THRB: variants seen among roughly 807,000 people sequenced by gnomAD.
THRB encodes the protein thyroid hormone receptor beta.
THRB carries 12 observed loss-of-function variants against 47.8 expected under a neutral mutation model. The observed-to-expected ratio is 0.25, with a 90% CI of 0.16 to 0.41. THRB has a LOEUF of 0.41. Ranked by LOEUF, THRB falls within the 10% of genes least tolerant of loss-of-function variation. THRB has a pLI of 1.00. For missense variants in THRB, 348 were observed against 589.2 expected (o/e 0.59, Z 4.24); for synonymous variants, 218 against 212.2 (o/e 1.03, Z -0.24).
rs966247174 is a variant in THRB at position 24,438,536 on chromosome 3, T to TGTGC, written c.-261+56115_-261+56116insGCAC. The stretch of plus-strand genomic sequence containing the variant: ...GTGTGTGTGTGTGTGTGTGTGTGTG[T>TGTGC]GCACATGCATTCTTTCTTTAAAGAA... On this transcript the variant is annotated intron_variant, in intron 1 of 10. Coordinates refer to ENST00000646209, the MANE Select transcript of THRB (RefSeq NM_001354712.2). Among the ~76,000 whole-genome samples, 347 of 151,060 alleles carry TGTGC rather than the reference T, an allele frequency of 2.3e-3. 1 individual carries two copies. Among genetic ancestry groups the TGTGC allele is most frequent in the Middle Eastern group, 0.01 (3 of 292 alleles).
intron 3 of THRB, among the ~76,000 whole-genome samples, chr3:24,281,899 T>C (rs1198758025): frequency 6.6e-6 from 1 of 151,248 alleles, no homozygotes; most frequent in Non-Finnish European, 1.5e-5. Flanking sequence ...CCTAAATATA[T>C]ATGCACCCAA....
At chr3:24,140,746 C>T (rs1399147498) in intron 8 of THRB, among the ~76,000 whole-genome samples, 1 of 152,144 alleles carries the variant, frequency 6.6e-6, no homozygotes, top group Non-Finnish European at 1.5e-5. Flanking sequence ...AGCCTAGATT[C>T]AAGGGGAGAG....
chr3:24,430,718 T>C (rs115836546), intron 1 of THRB: 7 of 152,160 alleles, frequency 4.6e-5, no homozygotes, highest in African/African-American at 1.7e-4. Context: ...ATTGACAAAT[T>C]TGACTACATT....
intron 4 of THRB, 70 bp from the exon 5 acceptor site, chr3:24,190,404 T>C: frequency 1.3e-6 from 2 of 1,590,860 alleles, no homozygotes; most frequent in Non-Finnish European, 1.7e-6. Flanking sequence ...TGCAGAGTTT[T>C]GGAAGGCAAG....
chr3:24,223,559 AAG>A (rs1313967888), intron 4 of THRB, among the ~76,000 whole-genome samples: 6 of 152,334 alleles, frequency 3.9e-5, no homozygotes, highest in Non-Finnish European at 7.3e-5. Context: ...TAGAGATGGA[AAG>A]AGAGAGAAAG....
intron 2 of THRB, among the ~76,000 whole-genome samples, chr3:24,318,764 TC>T (rs1032215372): frequency 5.3e-5 from 8 of 152,320 alleles, no homozygotes; most frequent in Non-Finnish European, 1.2e-4. Context: ...TGTTGGGTCC[TC>T]CCCTGTGCAT....
intron 2 of THRB, among the ~76,000 whole-genome samples, chr3:24,302,299 G>T (rs977417386): frequency 2.6e-5 from 4 of 152,030 alleles, no homozygotes; most frequent in Non-Finnish European, 4.4e-5. Flanking sequence ...TCAAGTACCT[G>T]GTAAAAGACA....
At chr3:24,246,875 T>C (rs891742946) in intron 3 of THRB, among the ~76,000 whole-genome samples, 3 of 152,220 alleles carry the variant, frequency 2.0e-5, no homozygotes, top group Admixed American at 6.5e-5. Flanking sequence ...ATCTTGGTCA[T>C]CAATTTGTAT....
chr3:24,489,753 G>C (rs377757113), intron 1 of THRB, among the ~76,000 whole-genome samples: 2 of 152,228 alleles, frequency 1.3e-5, no homozygotes, highest in African/African-American at 4.8e-5. Context: ...TATTCTAGCT[G>C]TCAGTTGGCC....
At chr3:24,474,985 T>A (rs1695233844) in intron 1 of THRB, among the ~76,000 whole-genome samples, 1 of 152,250 alleles carries the variant, frequency 6.6e-6, no homozygotes, top group Non-Finnish European at 1.5e-5. Flanking sequence ...ACGTGTATCA[T>A]AAATCACAAA....
At chr3:24,273,960 ATTTC>A (rs2053624185) in intron 3 of THRB, among the ~76,000 whole-genome samples, 1 of 152,112 alleles carries the variant, frequency 6.6e-6, no homozygotes, top group South Asian at 2.1e-4. Context: ...GGAAAATATT[ATTTC>A]TTTATGTTGT....
In THRB at chr3:24,461,020, T is replaced by G. The variant is rs111876096; in HGVS notation, c.-261+33632A>C. On this transcript the variant is annotated intron_variant, in intron 1 of 10. Transcript: ENST00000646209. ...GCTAGAGGCTATGTATCTCTAAAAT[T>G]TAATTCAAAACTGTATACATGTTTT... is the stretch of plus-strand genomic sequence containing the variant. Among the ~76,000 whole-genome samples, 296 of 152,306 alleles carry G rather than the reference T, an allele frequency of 1.9e-3. 4 individuals carry two copies. The South Asian group carries it at 0.03, about 16-fold the overall frequency.
At chr3:24,124,413 T>C (rs1217796590) in intron 10 of THRB, among the ~76,000 whole-genome samples, 2 of 152,230 alleles carry the variant, frequency 1.3e-5, no homozygotes, top group Non-Finnish European at 1.5e-5. Flanking sequence ...GATCCTTTAA[T>C]TTTTGACCCA....
At chr3:24,464,481 A>G (rs1490214312) in intron 1 of THRB, among the ~76,000 whole-genome samples, 1 of 152,116 alleles carries the variant, frequency 6.6e-6, no homozygotes, top group African/African-American at 2.4e-5. Flanking sequence ...AGCTATTTCC[A>G]TCTAATTACT....
chr3:24,135,360 G>C (rs142453239), intron 8 of THRB, among the ~76,000 whole-genome samples: 5 of 152,102 alleles, frequency 3.3e-5, no homozygotes, highest in South Asian at 2.1e-4. Context: ...AACAAATGCT[G>C]GCAGCATTTA....
chr3:24,235,388 G>A (rs1161894824), intron 3 of THRB, among the ~76,000 whole-genome samples: 1 of 152,100 alleles, frequency 6.6e-6, no homozygotes, highest in Non-Finnish European at 1.5e-5. Flanking sequence ...TATCCAACCT[G>A]TGCACTGAAT....
chr3:24,417,577 T>G (rs1366891562), intron 1 of THRB, among the ~76,000 whole-genome samples: 1 of 151,858 alleles, frequency 6.6e-6, no homozygotes, highest in African/African-American at 2.4e-5. Flanking sequence ...GTTAGCGTAT[T>G]AGTAAGTCTA....
At chr3:24,369,412 G>T (rs1267726971) in intron 1 of THRB, among the ~76,000 whole-genome samples, 1 of 152,122 alleles carries the variant, frequency 6.6e-6, no homozygotes, top group Non-Finnish European at 1.5e-5. Context: ...TTGAACTCAT[G>T]TCTATATTGA....
At chr3:24,261,283 A>C (rs981685045) in intron 3 of THRB, among the ~76,000 whole-genome samples, 2 of 152,050 alleles carry the variant, frequency 1.3e-5, no homozygotes, top group South Asian at 4.1e-4. Context: ...CGGGCAGATC[A>C]CGAGGGCAAG....
Sources: allele counts gnomAD v4.1 joint callset (sites outside exome capture counted in the v4.1 genomes callset), GRCh38; gene constraint gnomAD v4.1.1; transcripts MANE v1.5; gene names NCBI Gene and HGNC (gene_info 2026-07-23, HGNC 2026-07-21).